QRICH1: variants seen among roughly 807,000 people sequenced by gnomAD.
QRICH1 encodes the protein transcriptional regulator QRICH1.
Under a neutral mutation model 87.1 loss-of-function variants are expected in QRICH1, and 16 were observed. The observed-to-expected ratio is 0.18, with a 90% CI of 0.12 to 0.28. The LOEUF (loss-of-function observed/expected upper bound fraction) is 0.28. Among genes scored for constraint, QRICH1 ranks in the 10% least tolerant of loss-of-function variants. The probability of loss-of-function intolerance (pLI) is 1.00; values close to 1 mark genes in which losing one functional copy is unlikely to be tolerated. For missense variants in QRICH1, 647 were observed against 951.7 expected (o/e 0.68, Z 4.21); for synonymous variants, 367 against 368.4 (o/e 1.00, Z 0.05).
intron 1 of QRICH1, among the ~76,000 whole-genome samples, chr3:49,090,085 T>C (rs1391259222): frequency 1.3e-5 from 2 of 151,572 alleles, no homozygotes; most frequent in South Asian, 4.2e-4. Flanking sequence ...GAGGCCAAGG[T>C]AGGCAGACCA....
At chr3:49,032,153 C>T (rs751608217) in intron 9 of QRICH1, 30 bp downstream of exon 9, 14 of 1,540,182 alleles carry the variant, frequency 9.1e-6, no homozygotes, top group East Asian at 2.2e-5. Context: ...CATGCGCACA[C>T]ATGGACAGCA....
intron 3 of QRICH1, among the ~76,000 whole-genome samples, chr3:49,052,871 CT>C (rs759350665): frequency 5.9e-5 from 9 of 152,260 alleles, no homozygotes; most frequent in Non-Finnish European, 8.8e-5. Context: ...GTTTCCTCAT[CT>C]GTAAAACAGA....
chr3:49,085,511 T>C (rs1005970290), intron 1 of QRICH1, among the ~76,000 whole-genome samples: 13 of 152,038 alleles, frequency 8.6e-5, no homozygotes, highest in Non-Finnish European at 1.5e-4. Flanking sequence ...TCCCAGCACT[T>C]TGGGAGGCCG....
In QRICH1 at chr3:49,054,659, T is replaced by C. The variant is rs144538871; in HGVS notation, c.1338+2203A>G. Among the ~76,000 whole-genome samples the C allele has an allele frequency of 6.2e-3, 937 of 152,188 alleles. 12 individuals carry two copies. Among genetic ancestry groups the C allele is most frequent in the African/African-American group, 0.022 (894 of 41,534 alleles). The stretch of plus-strand genomic sequence containing the variant: ...GTGGCTCATGCCTGTAATCCCAACA[T>C]TCTGGGAGGCCAAGGTGGGAGGATC... On this transcript the variant is annotated intron_variant, in intron 3 of 9. Transcript: ENST00000395443.
chr3:49,029,711 GA>G lies in QRICH1; in HGVS notation c.*740del. 2.7e-6 allele frequency: 1 copy of G among 365,010 alleles called. No individual in the cohort carries two copies. Among genetic ancestry groups the G allele is most frequent in the South Asian group, 2.4e-5 (1 of 41,544 alleles). 22.6% of individuals were successfully genotyped at this position (365,010 alleles called of 1,614,324 possible). ...AAGAGACGTTGTTCACTAACATGTTGAAAAGACGTGCTTGTCATTCTTAATA... is the reference window on the plus strand; with the variant it reads ...AAGAGACGTTGTTCACTAACATGTTGAAAGACGTGCTTGTCATTCTTAATA... On this transcript the variant is annotated 3_prime_UTR_variant, in exon 10 of 10. Transcript: ENST00000395443.
At chr3:49,059,423 ATTT>A (rs751098592) in intron 2 of QRICH1, among the ~76,000 whole-genome samples, 1 of 133,736 alleles carries the variant, frequency 7.5e-6, no homozygotes, top group Non-Finnish European at 1.6e-5. Context: ...CACCCAGCTA[ATTT>A]TTTTTTTTTT....
intron 6 of QRICH1, among the ~76,000 whole-genome samples, chr3:49,040,345 C>T (rs1188351785): frequency 1.3e-5 from 2 of 152,280 alleles, no homozygotes; most frequent in Middle Eastern, 3.4e-3. Flanking sequence ...CAGCAGCTCA[C>T]ACCTGTAATC....
chr3:49,030,355 T>TA lies in QRICH1; in HGVS notation c.*96dup, dbSNP rs1202103307. ...CTGAAAGGCTTCGTAACTACACCAA[T>TA]AAAAAAAAGAAAAAAAAAAATGGAG... is the stretch of plus-strand genomic sequence containing the variant. On this transcript the variant is annotated 3_prime_UTR_variant, in exon 10 of 10. Transcript: ENST00000395443. 1.6e-4 allele frequency: 189 copies of TA among 1,219,020 alleles called. No individual in the cohort carries two copies. Among genetic ancestry groups the TA allele is most frequent in the African/African-American group, 5.8e-4 (37 of 64,022 alleles). 75.5% of individuals were successfully genotyped at this position (1,219,020 alleles called of 1,614,324 possible).
At chr3:49,089,638 A>G (rs1396512337) in intron 1 of QRICH1, among the ~76,000 whole-genome samples, 1 of 152,246 alleles carries the variant, frequency 6.6e-6, no homozygotes, top group Non-Finnish European at 1.5e-5. Context: ...GTGTATTCAT[A>G]CAACAGAATA....
intron 8 of QRICH1, 31 bp from the exon 9 acceptor site, chr3:49,032,304 C>G: frequency 6.4e-7 from 1 of 1,556,962 alleles, no homozygotes; most frequent in South Asian, 1.1e-5. Flanking sequence ...CCACCACAGA[C>G]CTGGCATCAG....
intron 2 of QRICH1, among the ~76,000 whole-genome samples, chr3:49,076,053 CCAA>C (rs2041944859): frequency 6.6e-6 from 1 of 152,008 alleles, no homozygotes; most frequent in Non-Finnish European, 1.5e-5. Context: ...ACCAGCCTGG[CCAA>C]CATAGTGAAA....
chr3:49,090,613 A>T (rs577324634), intron 1 of QRICH1, among the ~76,000 whole-genome samples: 8 of 140,838 alleles, frequency 5.7e-5, no homozygotes, highest in Non-Finnish European at 9.1e-5. Flanking sequence ...GGGCGACAAG[A>T]GTGAAACTCC....
chr3:49,072,098 A>G (rs2041844196), intron 2 of QRICH1, among the ~76,000 whole-genome samples: 1 of 152,138 alleles, frequency 6.6e-6, no homozygotes, highest in Admixed American at 6.6e-5. Context: ...TGGGAGGCCG[A>G]GGTTGGCAGA....
At chr3:49,042,251 C>T (rs2093314962) in intron 6 of QRICH1, among the ~76,000 whole-genome samples, 2 of 151,298 alleles carry the variant, frequency 1.3e-5, no homozygotes, top group African/African-American at 4.9e-5. Context: ...GCACCCACCA[C>T]CACAACCGGC....
chr3:49,067,328 G>A (rs2093474329), intron 2 of QRICH1, among the ~76,000 whole-genome samples: 1 of 152,090 alleles, frequency 6.6e-6, no homozygotes, highest in Non-Finnish European at 1.5e-5. Flanking sequence ...AGCACTTTGG[G>A]AGGCCAAGGT....
chr3:49,060,037 A>G (rs1339805584), intron 2 of QRICH1, among the ~76,000 whole-genome samples: 2 of 151,708 alleles, frequency 1.3e-5, no homozygotes, highest in Non-Finnish European at 2.9e-5. Flanking sequence ...GGTGCGTGCC[A>G]CCACGCCCGG....
At chr3:49,054,600 T>C (rs2093390153) in intron 3 of QRICH1, among the ~76,000 whole-genome samples, 1 of 152,070 alleles carries the variant, frequency 6.6e-6, no homozygotes, top group Non-Finnish European at 1.5e-5. Flanking sequence ...ATCTAAACTA[T>C]AAACTACAGT....
intron 6 of QRICH1, among the ~76,000 whole-genome samples, chr3:49,039,154 C>T (rs972416758): frequency 3.3e-5 from 5 of 150,226 alleles, no homozygotes; most frequent in Admixed American, 2.7e-4. Flanking sequence ...GTCAGGAGTT[C>T]AAGACCAGCC....
At chr3:49,068,819 G>A (rs2093483417) in intron 2 of QRICH1, among the ~76,000 whole-genome samples, 1 of 151,572 alleles carries the variant, frequency 6.6e-6, no homozygotes, top group Non-Finnish European at 1.5e-5. Flanking sequence ...TGGTAGAGAT[G>A]GGAGTTTTGC....
Sources: gnomAD v4.1 joint callset for allele counts (sites outside exome capture counted in the v4.1 genomes callset) on GRCh38, gnomAD v4.1.1 for gene constraint, MANE v1.5 for transcripts, NCBI Gene and HGNC (gene_info 2026-07-23, HGNC 2026-07-21) for gene names.